MDH2: variants seen among roughly 807,000 people sequenced by gnomAD.
The protein encoded by MDH2 is malate dehydrogenase 2.
A neutral mutation model predicts 33.6 loss-of-function variants in MDH2; 25 were observed. The ratio of observed to expected loss-of-function variants is 0.74; its 90% confidence interval spans 0.54 to 1.04. MDH2 has a LOEUF of 1.04. Among genes scored for constraint, MDH2 ranks in the 50% least tolerant of loss-of-function variants. The pLI, the probability that MDH2 is intolerant of heterozygous loss-of-function variation, is 0.00. For missense variants in MDH2, 432 were observed against 445.0 expected, an observed-to-expected ratio of 0.97 and a Z score of 0.26; for synonymous variants, 193 against 188.7, an observed-to-expected ratio of 1.02 and a Z score of -0.19.
At chr7:76,054,575 C>T (rs1157554207) in intron 1 of MDH2, 1 of 467,858 alleles carries the variant, frequency 2.1e-6, no homozygotes, top group Non-Finnish European at 3.8e-6. Flanking sequence ...CCAGCTTGTT[C>T]TTCATCTTTC....
intron 5 of MDH2, among the ~76,000 whole-genome samples, chr7:76,061,908 A>C (rs1554587075): frequency 6.6e-6 from 1 of 152,210 alleles, no homozygotes; most frequent in East Asian, 1.9e-4. Context: ...CATTAAAACT[A>C]TATCCCTCTG....
At chr7:76,064,694 C>A in intron 7 of MDH2, 108 bp from the exon 8 acceptor site, 1 of 1,283,124 alleles carries the variant, frequency 7.8e-7, no homozygotes, top group Non-Finnish European at 1.1e-6. Context: ...GACTGAAATT[C>A]TCCACTGTCA....
At chr7:76,064,709 G>A in intron 7 of MDH2, 93 bp from the exon 8 acceptor site, 1 of 1,384,874 alleles carries the variant, frequency 7.2e-7, no homozygotes, top group Admixed American at 2.4e-5. Context: ...CTGTCAGGCT[G>A]GAAGGTGTGC....
rs782787769 is a variant in MDH2 at position 76,064,343 on chromosome 7, C to T, written c.638C>T (p.Thr213Ile). The change falls in exon 7 of 9, where the codon ACC (threonine) becomes ATC (isoleucine). Residue 213 changes from threonine to isoleucine, a missense_variant. By Grantham distance (89) the Thr-to-Ile change is moderately conservative. Transcript: ENST00000315758. The part of the protein sequence containing the change: ...KTIIPLISQC[T>I]PKVDFPQDQL... ...ATCCCATGGCTTGGCTTGCAGTGCA[C>T]CCCCAAGGTGGACTTTCCCCAGGAC... 4 of 1,610,786 alleles carry T rather than the reference C, an allele frequency of 2.5e-6. No homozygotes were observed. The highest frequency in any genetic ancestry group is 4.5e-5 in the East Asian group (2 of 44,714).
chr7:76,055,691 T>C (rs985898153), intron 2 of MDH2, among the ~76,000 whole-genome samples: 1 of 148,272 alleles, frequency 6.7e-6, no homozygotes, highest in Non-Finnish European at 1.5e-5. Context: ...GAGCCCTGAT[T>C]ACACCACTGC....
chr7:76,064,477 G>C (rs1554587519), intron 7 of MDH2, 39 bp downstream of exon 7: 1 of 1,528,984 alleles, frequency 6.5e-7, no homozygotes, highest in Non-Finnish European at 9.0e-7. Flanking sequence ...GTGCCAGTGA[G>C]GCCCTGCGAG....
At chr7:76,050,628 C>A (rs1797594113) in intron 1 of MDH2, among the ~76,000 whole-genome samples, 1 of 152,112 alleles carries the variant, frequency 6.6e-6, no homozygotes, top group African/African-American at 2.4e-5. Context: ...TAATGACTTG[C>A]TCTTCCTTCC....
At chr7:76,055,810 A>T (rs1797758332) in intron 2 of MDH2, among the ~76,000 whole-genome samples, 1 of 148,758 alleles carries the variant, frequency 6.7e-6, no homozygotes. Flanking sequence ...CAATGTATCA[A>T]CATTTTTGCA....
intron 1 of MDH2, among the ~76,000 whole-genome samples, chr7:76,050,921 G>T (rs551504485): frequency 2.7e-4 from 41 of 152,282 alleles, no homozygotes; most frequent in Non-Finnish European, 5.3e-4. Context: ...TCGCTCTGTT[G>T]CCCAGGCTGG....
Position 76,066,487 on chromosome 7 carries a change from G to C in MDH2, c.*77G>C. 1 of 1,501,056 alleles carries C rather than the reference G, an allele frequency of 6.7e-7. No homozygotes were observed. The allele number at this position is 1,501,056 out of a possible 1,614,324, so 93.0% of individuals were successfully genotyped here. A position where few individuals can be genotyped will look rare whatever the true frequency, so the allele number is the denominator to read the frequency against. On this transcript the variant is annotated 3_prime_UTR_variant, in exon 9 of 9. Transcript: ENST00000315758. ...TGCAAAGCCGTTGCAGATAAACTTT[G>C]TATTTTAATTTGCTTTGGTGATGAT...
chr7:76,052,692 G>A (rs1468514931), intron 1 of MDH2, among the ~76,000 whole-genome samples: 1 of 150,262 alleles, frequency 6.7e-6, no homozygotes, highest in African/African-American at 2.5e-5. Context: ...TTACCGGTGC[G>A]CGCCACCATG....
At chr7:76,053,695 G>A (rs1554585776) in intron 1 of MDH2, among the ~76,000 whole-genome samples, 2 of 152,250 alleles carry the variant, frequency 1.3e-5, no homozygotes, top group East Asian at 1.9e-4. Context: ...ACACGGTGCC[G>A]AGAGTTCCCG....
chr7:76,052,715 T>G (rs1554585660), intron 1 of MDH2, among the ~76,000 whole-genome samples: 1 of 151,584 alleles, frequency 6.6e-6, no homozygotes, highest in African/African-American at 2.4e-5. Context: ...TGGCTAATTT[T>G]TTTTATTATT....
At chr7:76,054,226 G>A (rs782276670) in intron 1 of MDH2, among the ~76,000 whole-genome samples, 6 of 149,304 alleles carry the variant, frequency 4.0e-5, no homozygotes, top group African/African-American at 4.9e-5. Flanking sequence ...CTTTCGCAAC[G>A]TACGTAACCC....
Position 76,048,752 on chromosome 7 carries a change from C to G in MDH2, c.66+526C>G, listed in dbSNP as rs1585392685. 5 of 1,229,952 alleles carry G rather than the reference C, an allele frequency of 4.1e-6. No individual in the cohort carries two copies. In the East Asian group the frequency reaches 1.6e-4, roughly 39 times the overall value. 76.2% of individuals were successfully genotyped at this position (1,229,952 alleles called of 1,614,324 possible). A position where few individuals can be genotyped will look rare whatever the true frequency, so the allele number is the denominator to read the frequency against. ...GAATTCAGCGCTTCTGACCTGAAGA[C>G]GGCTTCCTCTTAACCTTTTTGGAGG... On this transcript the variant is annotated intron_variant, in intron 1 of 8. Transcript: ENST00000315758.
Position 76,057,983 on chromosome 7 carries a change from G to A in MDH2, c.334G>A (p.Asp112Asn), listed in dbSNP as rs1554586506. The A allele has an allele frequency of 3.7e-6, 6 of 1,613,858 alleles. No homozygotes were observed. The highest frequency in any genetic ancestry group is 2.2e-5 in the East Asian group (1 of 44,894). The change falls in exon 4 of 9, where the codon GAC (aspartate) becomes AAC (asparagine). Residue 112 changes from aspartate to asparagine, a missense_variant. Coordinates refer to ENST00000315758, the MANE Select transcript of MDH2 (RefSeq NM_005918.4). The stretch of plus-strand genomic sequence containing the variant: ...ATCATTTCCAGGCATGACCCGGGAC[G>A]ACCTGTTCAACACCAATGCCACGAT... ...VPRKPGMTRD[D>N]LFNTNATIVA...
At chr7:76,054,789 T>C (rs1554585938) in intron 1 of MDH2, 41 bp from the exon 2 acceptor site, 1 of 1,612,510 alleles carries the variant, frequency 6.2e-7, no homozygotes, top group South Asian at 1.1e-5. Context: ...CTTTTCATGC[T>C]CATTTCCTCC....
intron 4 of MDH2, among the ~76,000 whole-genome samples, chr7:76,060,033 G>A (rs1163389411): frequency 1.3e-5 from 2 of 152,176 alleles, no homozygotes; most frequent in African/African-American, 4.8e-5. Flanking sequence ...CACAGCCGCT[G>A]TGCACTGCTG....
chr7:76,064,315 C>G (rs1352258216), intron 6 of MDH2, 24 bp from the exon 7 acceptor site: 1 of 1,591,266 alleles, frequency 6.3e-7, no homozygotes, highest in Non-Finnish European at 8.6e-7. Context: ...AAGCCACTCA[C>G]TGATCCCATG....
Sources: allele counts gnomAD v4.1 joint callset (sites outside exome capture counted in the v4.1 genomes callset), GRCh38; gene constraint gnomAD v4.1.1; transcripts MANE v1.5; gene names NCBI Gene and HGNC (gene_info 2026-07-23, HGNC 2026-07-21).